Variants in RUVBL2 observed in about 807,000 individuals in gnomAD.
RUVBL2 encodes the protein ruvB-like 2.
RUVBL2 carries 9 observed loss-of-function variants against 57.9 expected under a neutral mutation model. That is an observed-to-expected ratio of 0.16 (90% confidence interval 0.09 to 0.27). RUVBL2 has a LOEUF of 0.27. RUVBL2 is among the 10% of genes least tolerant of loss of function. RUVBL2 has a pLI of 1.00. For synonymous variants in RUVBL2, 278 were observed against 264.6 expected, an observed-to-expected ratio of 1.05 and a Z score of -0.49; for missense variants, 456 against 669.6, an observed-to-expected ratio of 0.68 and a Z score of 3.52.
At chr19:48,999,925 G>A (rs991091573) in intron 2 of RUVBL2, among the ~76,000 whole-genome samples, 5 of 152,234 alleles carry the variant, frequency 3.3e-5, no homozygotes, top group African/African-American at 9.6e-5. Flanking sequence ...TTGAGACGCA[G>A]TGAGGCCAGC....
chr19:48,999,183 G>C, intron 1 of RUVBL2, 136 bp from the exon 2 acceptor site: 1 of 887,150 alleles, frequency 1.1e-6, no homozygotes, highest in Non-Finnish European at 1.9e-6. Context: ...AGAGGGGTGG[G>C]GGTGACTGGT....
At chr19:49,009,268 C>A (rs2039351012) in intron 6 of RUVBL2, among the ~76,000 whole-genome samples, 1 of 145,966 alleles carries the variant, frequency 6.9e-6, no homozygotes. Flanking sequence ...GTGGGCAGAT[C>A]ACAAGGTCAG....
At chr19:49,015,551 G>C in intron 13 of RUVBL2, 21 bp from the exon 14 acceptor site, 1 of 1,580,098 alleles carries the variant, frequency 6.3e-7, no homozygotes, top group Non-Finnish European at 8.7e-7. Context: ...GCCCAACTGA[G>C]GACTCGCCCT....
intron 1 of RUVBL2, among the ~76,000 whole-genome samples, chr19:48,998,631 C>T (rs1332120156): frequency 6.6e-6 from 1 of 151,482 alleles, no homozygotes; most frequent in Non-Finnish European, 1.5e-5. Context: ...ATCGGTTAAA[C>T]CCAGGAGGCG....
At position 49,014,615 on chromosome 19, in the gene RUVBL2, A is replaced by C; in HGVS notation, c.1121+12A>C. 1 of 1,613,768 alleles carries C rather than the reference A, an allele frequency of 6.2e-7. No homozygotes were observed. Among genetic ancestry groups the C allele is most frequent in the Non-Finnish European group, 8.5e-7 (1 of 1,179,858 alleles). On this transcript the variant is annotated intron_variant, in intron 12 of 14. Transcript: ENST00000595090. ...ATCCTCCGCATCCGGTGCGGGCAGG[A>C]CCAGGCCGTGCGCCTGAGACGCAGG...
At chr19:49,001,192 C>T (rs1381235896) in intron 2 of RUVBL2, among the ~76,000 whole-genome samples, 6 of 148,944 alleles carry the variant, frequency 4.0e-5, no homozygotes, top group South Asian at 4.2e-4. Flanking sequence ...GACGGAGTCT[C>T]GCTCTGTCGC....
chr19:48,996,885 A>G (rs1252879670), intron 1 of RUVBL2, among the ~76,000 whole-genome samples: 3 of 151,288 alleles, frequency 2.0e-5, no homozygotes, highest in Non-Finnish European at 4.4e-5. Flanking sequence ...CTGGTCTCGA[A>G]CCCCTGACCT....
Position 49,009,759 on chromosome 19 carries a change from C to T in RUVBL2, c.463-17C>T, listed in dbSNP as rs1159079723. On this transcript the variant is annotated splice_polypyrimidine_tract_variant and intron_variant, in intron 6 of 14. Transcript: ENST00000595090. Reference sequence around the variant, plus strand: ...GGCCCTCTCTGAGCCCCATCCCTGGCTTGTCCCCACTCTCAGGGCTCCAAG... The same window carrying T: ...GGCCCTCTCTGAGCCCCATCCCTGGTTTGTCCCCACTCTCAGGGCTCCAAG... 2.5e-6 allele frequency: 4 copies of T among 1,609,928 alleles called. No individual in the cohort carries two copies. The highest frequency in any genetic ancestry group is 3.4e-6 in the Non-Finnish European group (4 of 1,176,344).
intron 13 of RUVBL2, 60 bp downstream of exon 13, chr19:49,015,210 A>G: frequency 6.4e-7 from 1 of 1,572,390 alleles, no homozygotes. Flanking sequence ...ACAGTACTTC[A>G]GGGGCTTCCA....
intron 14 of RUVBL2, 49 bp from the exon 15 acceptor site, chr19:49,015,768 C>A: frequency 6.2e-7 from 1 of 1,613,190 alleles, no homozygotes; most frequent in African/African-American, 1.3e-5. Context: ...AAGGCTCAGG[C>A]CCTGCCACCT....
chr19:49,009,835 G>A lies in RUVBL2; in HGVS notation c.522G>A (p.Leu174=), dbSNP rs768352918. ...KTTEMETIYD[L]GTKMIESLTK... ...CAGAGATGGAGACCATCTACGACCT[G>A]GGCACCAAGATGATTGAGTCCCTGA... Residue 174 remains leucine (L), a synonymous_variant, in exon 7 of 15, where the codon CTG becomes CTA. Transcript: ENST00000595090. 1 of 1,614,040 alleles carries A rather than the reference G, an allele frequency of 6.2e-7. No homozygotes were observed. Among genetic ancestry groups the A allele is most frequent in the South Asian group, 1.1e-5 (1 of 91,078 alleles).
chr19:49,004,143 A>AAACCC, intron 3 of RUVBL2, 134 bp from the exon 4 acceptor site: 1 of 825,334 alleles, frequency 1.2e-6, no homozygotes, highest in Non-Finnish European at 1.8e-6. Flanking sequence ...AAAAAAAAGC[A>AAACCC]GGGAAAGCTT....
At chr19:48,999,715 G>C (rs142184178) in intron 2 of RUVBL2, among the ~76,000 whole-genome samples, 1 of 152,150 alleles carries the variant, frequency 6.6e-6, no homozygotes, top group African/African-American at 2.4e-5. Flanking sequence ...GGGCAGGGAC[G>C]AGGTCGTGTC....
At chr19:49,002,827 C>T (rs910150603) in intron 2 of RUVBL2, among the ~76,000 whole-genome samples, 1 of 151,922 alleles carries the variant, frequency 6.6e-6, no homozygotes, top group African/African-American at 2.4e-5. Flanking sequence ...TCCAGTGATC[C>T]GCCCGCCTCG....
chr19:48,993,492 C>G, upstream of RUVBL2: 3 of 427,704 alleles, frequency 7.0e-6, no homozygotes, highest in South Asian at 6.4e-5. Context: ...GGGGGCGGAG[C>G]TTGCCGCTGC....
intron 11 of RUVBL2, among the ~76,000 whole-genome samples, chr19:49,014,139 C>T (rs7255964): frequency 0.044 from 6,672 of 152,298 alleles, 208 homozygotes; most frequent in Middle Eastern, 0.082. Flanking sequence ...CTGGCACCAG[C>T]CCTGGGCTGG....
At chr19:48,997,830 T>C (rs576691612) in intron 1 of RUVBL2, among the ~76,000 whole-genome samples, 12 of 152,244 alleles carry the variant, frequency 7.9e-5, no homozygotes, top group African/African-American at 2.4e-4. Flanking sequence ...GGGGGGGTCC[T>C]GAATTGTCCC....
At chr19:49,014,750 G>C in intron 12 of RUVBL2, 147 bp downstream of exon 12, 1 of 1,212,404 alleles carries the variant, frequency 8.2e-7, no homozygotes, top group Non-Finnish European at 1.1e-6. Context: ...GGTGGCCTCC[G>C]ATCCGGGAGC....
At position 49,011,601 on chromosome 19, in the gene RUVBL2, T is replaced by A. The variant is rs1176003438; in HGVS notation, c.1001+291T>A. ...TGCTGCAGGAAACTCACAGGAGTGC[T>A]GTGGGATGTTTTCTAGTCTTGAGGG... On this transcript the variant is annotated intron_variant, in intron 11 of 14. Coordinates refer to ENST00000595090, the MANE Select transcript of RUVBL2 (RefSeq NM_006666.3). The surrounding 1 kb of genome is among the most constrained non-coding windows in gnomAD (Gnocchi z 4.4). Among the ~76,000 whole-genome samples the A allele has an allele frequency of 6.6e-6, 1 of 152,234 alleles. No homozygotes were observed. The highest frequency in any genetic ancestry group is 2.4e-5 in the African/African-American group (1 of 41,456).
Sources: gnomAD v4.1 joint callset for allele counts (sites outside exome capture counted in the v4.1 genomes callset) on GRCh38, gnomAD v4.1.1 for gene constraint, Gnocchi (gnomAD v3.1) non-coding constraint, MANE v1.5 for transcripts, NCBI Gene and HGNC (gene_info 2026-07-23, HGNC 2026-07-21) for gene names.